Variants in GALNT17 observed in about 807,000 individuals in gnomAD.
GALNT17 encodes the protein polypeptide N-acetylgalactosaminyltransferase 17.
Under a neutral mutation model 63.7 loss-of-function variants are expected in GALNT17, and 29 were observed. The observed-to-expected ratio is 0.46, with a 90% CI of 0.34 to 0.62. The LOEUF (loss-of-function observed/expected upper bound fraction) is 0.62, where lower values mean the gene tolerates loss of function less well. Among genes scored for constraint, GALNT17 ranks in the 20% least tolerant of loss-of-function variants. GALNT17 has a pLI of 0.01. For missense variants in GALNT17, 603 were observed against 799.6 expected, an observed-to-expected ratio of 0.75 and a Z score of 2.97; for synonymous variants, 305 against 318.3, an observed-to-expected ratio of 0.96 and a Z score of 0.45.
intron 5 of GALNT17, among the ~76,000 whole-genome samples, chr7:71,428,514 A>G (rs1442070015): frequency 6.6e-6 from 1 of 152,032 alleles, no homozygotes; most frequent in Non-Finnish European, 1.5e-5. Context: ...ATCTTGGCTA[A>G]CTGCAACCTC....
At chr7:71,617,270 T>C (rs1483176814) in intron 6 of GALNT17, among the ~76,000 whole-genome samples, 6 of 149,116 alleles carry the variant, frequency 4.0e-5, no homozygotes, top group Non-Finnish European at 8.9e-5. Flanking sequence ...GTAAGCATAG[T>C]ACTTGATAGA....
intron 1 of GALNT17, among the ~76,000 whole-genome samples, chr7:71,219,839 A>G (rs1334723127): frequency 1.3e-5 from 2 of 152,118 alleles, no homozygotes; most frequent in African/African-American, 4.8e-5. Context: ...GGAAGGCACT[A>G]ATATGTTTGG....
rs977376580 is a variant in GALNT17 at position 71,669,300 on chromosome 7, G to A, written c.1267-672G>A. 2.0e-5 allele frequency among the ~76,000 whole-genome samples: 3 copies of A among 152,034 alleles called. No individual in the cohort carries two copies. The South Asian group carries it at 6.2e-4, about 32-fold the overall frequency. On this transcript the variant is annotated intron_variant, in intron 7 of 10. Coordinates refer to ENST00000333538, the MANE Select transcript of GALNT17 (RefSeq NM_022479.3). ...GGAGGCCGAGGCTGGCTGATCACTTGAGGTCAGGAGTTTGAGACCAACCTG... is the reference window on the plus strand; with the variant it reads ...GGAGGCCGAGGCTGGCTGATCACTTAAGGTCAGGAGTTTGAGACCAACCTG...
chr7:71,239,295 A>AG (rs1554343106), intron 1 of GALNT17, among the ~76,000 whole-genome samples: 2 of 137,190 alleles, frequency 1.5e-5, no homozygotes, highest in Non-Finnish European at 3.1e-5. Flanking sequence ...CCCTGTCTGT[A>AG]CCCCCCCCCA....
intron 1 of GALNT17, among the ~76,000 whole-genome samples, chr7:71,249,619 C>A (rs1790160510): frequency 6.6e-6 from 1 of 152,120 alleles, no homozygotes; most frequent in African/African-American, 2.4e-5. Context: ...CCATGGCAGC[C>A]ATCTTAGTAG....
At chr7:71,154,530 T>C (rs1444620095) in intron 1 of GALNT17, among the ~76,000 whole-genome samples, 4 of 152,202 alleles carry the variant, frequency 2.6e-5, no homozygotes, top group African/African-American at 2.4e-5. Context: ...TTGATGATGA[T>C]AGTCATGCTA....
At chr7:71,462,607 A>G (rs1787470311) in intron 5 of GALNT17, among the ~76,000 whole-genome samples, 1 of 152,194 alleles carries the variant, frequency 6.6e-6, no homozygotes, top group African/African-American at 2.4e-5. Flanking sequence ...ACATCAATCA[A>G]TATATGTTAA....
At chr7:71,174,897 TG>T (rs1317355499) in intron 1 of GALNT17, among the ~76,000 whole-genome samples, 13 of 152,240 alleles carry the variant, frequency 8.5e-5, no homozygotes, top group Non-Finnish European at 1.6e-4. Context: ...CTTAGGAATT[TG>T]GGTTTCTGTC....
intron 1 of GALNT17, among the ~76,000 whole-genome samples, chr7:71,274,141 A>G (rs1191542863): frequency 2.0e-5 from 3 of 152,050 alleles, no homozygotes; most frequent in African/African-American, 7.2e-5. Context: ...TGGTGTACAT[A>G]TTTCTACTCT....
intron 5 of GALNT17, among the ~76,000 whole-genome samples, chr7:71,465,605 C>T (rs1252261986): frequency 2.0e-5 from 3 of 152,192 alleles, no homozygotes; most frequent in Non-Finnish European, 4.4e-5. Context: ...TCCCTCCCAG[C>T]CCGATCTCCT....
chr7:71,684,283 C>T (rs1004320875), intron 9 of GALNT17, among the ~76,000 whole-genome samples: 2 of 152,192 alleles, frequency 1.3e-5, no homozygotes, highest in African/African-American at 4.8e-5. Flanking sequence ...TCAACCTTCT[C>T]CAGCCACAGC....
chr7:71,619,831 A>G (rs1392888536), intron 6 of GALNT17, among the ~76,000 whole-genome samples: 1 of 152,092 alleles, frequency 6.6e-6, no homozygotes, highest in Non-Finnish European at 1.5e-5. Context: ...ACTATGTTGA[A>G]TAGGAGTGGA....
chr7:71,433,641 A>AT (rs1786908434), intron 5 of GALNT17, among the ~76,000 whole-genome samples: 3 of 152,110 alleles, frequency 2.0e-5, no homozygotes, highest in Non-Finnish European at 4.4e-5. Flanking sequence ...TAACCCTGAG[A>AT]TTTTGCCTGT....
At chr7:71,197,712 GCCTGGC>G (rs1381752028) in intron 1 of GALNT17, among the ~76,000 whole-genome samples, 1 of 152,010 alleles carries the variant, frequency 6.6e-6, no homozygotes, top group African/African-American at 2.4e-5. Context: ...ATCTTTCTGT[GCCTGGC>G]TTATTTCACT....
intron 1 of GALNT17, among the ~76,000 whole-genome samples, chr7:71,268,037 T>C (rs1414754675): frequency 7.9e-5 from 12 of 152,136 alleles, no homozygotes; most frequent in Admixed American, 6.5e-4. Flanking sequence ...GTGTTTGCCA[T>C]TTTTTCAGAG....
intron 1 of GALNT17, among the ~76,000 whole-genome samples, chr7:71,219,300 A>C (rs1704168208): frequency 6.6e-6 from 1 of 152,190 alleles, no homozygotes; most frequent in African/African-American, 2.4e-5. Flanking sequence ...AGAGCCCAAG[A>C]ACCAGCCTCA....
At position 71,148,501 on chromosome 7, in the gene GALNT17, G is replaced by A. The variant is rs139701012; in HGVS notation, c.238+15461G>A. Among the ~76,000 whole-genome samples the A allele has an allele frequency of 1.3e-3, 191 of 152,244 alleles. 2 individuals are homozygous for A. Among genetic ancestry groups the A allele is most frequent in the African/African-American group, 4.5e-3 (185 of 41,546 alleles). On this transcript the variant is annotated intron_variant, in intron 1 of 10. Transcript: ENST00000333538. ...CTTTCCAGAGAAAATAAGTACAGTGGTAGCAAAAGAGAAGGAGAACGGGAA... is the reference window on the plus strand; with the variant it reads ...CTTTCCAGAGAAAATAAGTACAGTGATAGCAAAAGAGAAGGAGAACGGGAA...
In GALNT17 at chr7:71,412,043, G is replaced by T. The variant is rs189723269; in HGVS notation, c.590-3846G>T. Among the ~76,000 whole-genome samples the T allele has an allele frequency of 2.9e-3, 447 of 152,286 alleles. 5 individuals are homozygous for T. Among genetic ancestry groups the T allele is most frequent in the African/African-American group, 0.01 (425 of 41,574 alleles). ...GCAGATGATGCTCTTGGGCTCTCAG[G>T]TTTGAGAACTTCATTTCCTCCTTGG... On this transcript the variant is annotated intron_variant, in intron 3 of 10. Transcript: ENST00000333538.
At chr7:71,669,054 A>G (rs1791027800) in intron 7 of GALNT17, among the ~76,000 whole-genome samples, 1 of 152,240 alleles carries the variant, frequency 6.6e-6, no homozygotes, top group Admixed American at 6.5e-5. Flanking sequence ...GTAAGAGCAG[A>G]AACTGAGAAT....
Sources: gnomAD v4.1 joint callset for allele counts (sites outside exome capture counted in the v4.1 genomes callset) on GRCh38, gnomAD v4.1.1 for gene constraint, MANE v1.5 for transcripts, NCBI Gene and HGNC (gene_info 2026-07-23, HGNC 2026-07-21) for gene names.